Variants in B3GALT1 observed in about 807,000 individuals in gnomAD.
The protein encoded by B3GALT1 is beta-1,3-galactosyltransferase 1.
In B3GALT1, 10 loss-of-function variants were observed where a neutral mutation model predicts 23.2. That is an observed-to-expected ratio of 0.43 (90% CI 0.27 to 0.73). B3GALT1 has a LOEUF of 0.73. Ranked by LOEUF, B3GALT1 falls within the 30% of genes least tolerant of loss-of-function variation. The probability of loss-of-function intolerance (pLI) is 0.21; values close to 1 mark genes in which losing one functional copy is unlikely to be tolerated. For missense variants in B3GALT1, 299 were observed against 405.4 expected (o/e 0.74, Z 2.25); for synonymous variants, 156 against 141.5 (o/e 1.10, Z -0.73).
chr2:167,351,854 CTT>C (rs140364452), intron 1 of B3GALT1, among the ~76,000 whole-genome samples: 2,034 of 152,142 alleles, frequency 0.013, 52 homozygotes, highest in African/African-American at 0.047. Flanking sequence ...GCTTTTCACT[CTT>C]GACACAGGTA....
At chr2:167,547,868 C>G (rs995591211) in intron 2 of B3GALT1, among the ~76,000 whole-genome samples, 3 of 152,112 alleles carry the variant, frequency 2.0e-5, no homozygotes, top group Admixed American at 6.5e-5. Flanking sequence ...CATGAAACAT[C>G]ATATCAACAA....
intron 3 of B3GALT1, among the ~76,000 whole-genome samples, chr2:167,712,196 T>C (rs1370237024): frequency 6.6e-6 from 1 of 152,154 alleles, no homozygotes; most frequent in African/African-American, 2.4e-5. Context: ...AAGACAGTGA[T>C]CAAGGATATA....
chr2:167,394,520 A>T (rs1472873722), intron 1 of B3GALT1, among the ~76,000 whole-genome samples: 4 of 151,964 alleles, frequency 2.6e-5, no homozygotes, highest in Admixed American at 2.6e-4. Context: ...CTTTGATGCA[A>T]CCCTAATAAA....
chr2:167,409,756 A>T (rs970120597), intron 1 of B3GALT1, among the ~76,000 whole-genome samples: 11 of 151,806 alleles, frequency 7.2e-5, no homozygotes, highest in Non-Finnish European at 2.9e-5. Flanking sequence ...TAGAATGGCG[A>T]TCATTAAAAG....
At chr2:167,784,625 C>A (rs1043273489) in intron 3 of B3GALT1, among the ~76,000 whole-genome samples, 4 of 152,266 alleles carry the variant, frequency 2.6e-5, no homozygotes, top group Admixed American at 6.5e-5. Flanking sequence ...AAATGCTCAA[C>A]AATTAGGGGG....
chr2:167,336,458 CAG>C (rs780327740), intron 1 of B3GALT1, among the ~76,000 whole-genome samples: 9 of 152,084 alleles, frequency 5.9e-5, no homozygotes, highest in Non-Finnish European at 1.0e-4. Flanking sequence ...GCACTCTGAG[CAG>C]AGTGTTAGGT....
intron 1 of B3GALT1, among the ~76,000 whole-genome samples, chr2:167,325,174 A>G (rs1286604826): frequency 6.6e-6 from 1 of 152,152 alleles, no homozygotes; most frequent in Non-Finnish European, 1.5e-5. Flanking sequence ...ACATGGGAAT[A>G]CATATATCTC....
At chr2:167,381,289 G>A (rs1697844433) in intron 1 of B3GALT1, among the ~76,000 whole-genome samples, 1 of 152,078 alleles carries the variant, frequency 6.6e-6, no homozygotes, top group South Asian at 2.1e-4. Flanking sequence ...CCGAACTCCT[G>A]GGCTTAAGCA....
chr2:167,827,625 C>T (rs1689256898), intron 4 of B3GALT1, among the ~76,000 whole-genome samples: 1 of 152,202 alleles, frequency 6.6e-6, no homozygotes, highest in African/African-American at 2.4e-5. Context: ...CAGTGCGTGG[C>T]TGCTGCTCAG....
chr2:167,818,317 A>G (rs1333903155), intron 3 of B3GALT1, among the ~76,000 whole-genome samples: 1 of 152,162 alleles, frequency 6.6e-6, no homozygotes, highest in Non-Finnish European at 1.5e-5. Flanking sequence ...CATCAACTAG[A>G]CCTGAGCAGT....
At chr2:167,336,423 G>A (rs955775689) in intron 1 of B3GALT1, among the ~76,000 whole-genome samples, 4 of 152,136 alleles carry the variant, frequency 2.6e-5, no homozygotes, top group African/African-American at 9.7e-5. Flanking sequence ...ATTCAAATTC[G>A]TCTCTGAACG....
intron 1 of B3GALT1, among the ~76,000 whole-genome samples, chr2:167,427,601 A>T (rs973762854): frequency 5.9e-5 from 9 of 152,208 alleles, no homozygotes; most frequent in Admixed American, 3.3e-4. Flanking sequence ...CAGTGGCATG[A>T]TTGCAGTTGA....
At chr2:167,729,390 G>T (rs1276290301) in intron 3 of B3GALT1, among the ~76,000 whole-genome samples, 1 of 152,158 alleles carries the variant, frequency 6.6e-6, no homozygotes, top group East Asian at 1.9e-4. Context: ...TTAACACTAG[G>T]ACGATGTCAA....
chr2:167,492,525 A>G (rs193136766), intron 2 of B3GALT1, among the ~76,000 whole-genome samples: 86 of 152,316 alleles, frequency 5.6e-4, no homozygotes, highest in African/African-American at 2.0e-3. Context: ...CAGTGGTAAG[A>G]CAGTGTAGTT....
At chr2:167,831,171 G>C (rs1689344823) in intron 4 of B3GALT1, among the ~76,000 whole-genome samples, 1 of 152,152 alleles carries the variant, frequency 6.6e-6, no homozygotes, top group Admixed American at 6.6e-5. Context: ...AACAACTGCT[G>C]TCCCTCTCCT....
intron 1 of B3GALT1, among the ~76,000 whole-genome samples, chr2:167,476,689 A>C (rs1423953778): frequency 1.3e-5 from 2 of 152,172 alleles, no homozygotes; most frequent in Admixed American, 6.6e-5. Flanking sequence ...AGAATTTGAA[A>C]ATTCCATCCT....
intron 1 of B3GALT1, among the ~76,000 whole-genome samples, chr2:167,414,250 G>A (rs994212306): frequency 6.6e-6 from 1 of 152,118 alleles, no homozygotes; most frequent in Non-Finnish European, 1.5e-5. Flanking sequence ...TACTTCCTAA[G>A]AGAATACAGC....
intron 3 of B3GALT1, among the ~76,000 whole-genome samples, chr2:167,807,164 C>T (rs967956864): frequency 3.9e-5 from 6 of 152,022 alleles, no homozygotes; most frequent in Non-Finnish European, 8.8e-5. Flanking sequence ...GGTGATATCC[C>T]CTTTATCATT....
intron 3 of B3GALT1, among the ~76,000 whole-genome samples, chr2:167,659,396 A>T (rs1686017740): frequency 6.6e-6 from 1 of 152,154 alleles, no homozygotes; most frequent in African/African-American, 2.4e-5. Context: ...ACAAGTGACT[A>T]GATAGATGAA....
Sources: allele counts gnomAD v4.1 joint callset (sites outside exome capture counted in the v4.1 genomes callset), GRCh38; gene constraint gnomAD v4.1.1; transcripts MANE v1.5; gene names NCBI Gene and HGNC (gene_info 2026-07-23, HGNC 2026-07-21).